NCOA1: variants seen among roughly 807,000 people sequenced by gnomAD.
NCOA1 encodes the protein Hin-2 protein.
In NCOA1, 35 loss-of-function variants were observed where a neutral mutation model predicts 150.9. The ratio of observed to expected loss-of-function variants is 0.23; its 90% CI spans 0.18 to 0.31. NCOA1 has a LOEUF of 0.31. Ranked by LOEUF, NCOA1 falls within the 10% of genes least tolerant of loss-of-function variation. The probability of loss-of-function intolerance (pLI) is 1.00; values close to 1 mark genes in which losing one functional copy is unlikely to be tolerated. For missense variants in NCOA1, 1,491 were observed against 1,749.3 expected, an observed-to-expected ratio of 0.85 and a Z score of 2.63; for synonymous variants, 590 against 630.0, an observed-to-expected ratio of 0.94 and a Z score of 0.95.
At position 24,603,842 on chromosome 2, in the gene NCOA1, A is replaced by AT. The variant is rs562505993; in HGVS notation, c.-175+19283dup. 3.3e-5 allele frequency among the ~76,000 whole-genome samples: 5 copies of AT among 152,228 alleles called. No individual in the cohort carries two copies. In the South Asian group the frequency reaches 1.0e-3, roughly 31 times the overall value. On this transcript the variant is annotated intron_variant, in intron 3 of 22. Coordinates refer to ENST00000348332, the MANE Select transcript of NCOA1 (RefSeq NM_003743.5). ...CTCCCATGAATCACGAATGTTCTTA[A>AT]TGGCATCCAGTATGATGAAGCCTTT...
intron 3 of NCOA1, among the ~76,000 whole-genome samples, chr2:24,643,063 A>C (rs1451862045): frequency 1.3e-5 from 2 of 152,230 alleles, no homozygotes; most frequent in Non-Finnish European, 2.9e-5. Context: ...GTATCTGTAC[A>C]TGTGCTAAAA....
chr2:24,495,488 GTA>G (rs912222998), intron 1 of NCOA1, among the ~76,000 whole-genome samples: 53 of 152,290 alleles, frequency 3.5e-4, no homozygotes, highest in African/African-American at 1.2e-3. Flanking sequence ...CTCCCCGAGA[GTA>G]TGTTTTAGTG....
Position 24,599,644 on chromosome 2 carries a change from G to GT in NCOA1, c.-175+15091dup, listed in dbSNP as rs907000216. ...TAGCTATGACTTAAATATACTACAT[G>GT]TTTTTTTCCCTAAACTATTAATTTG... is the stretch of plus-strand genomic sequence containing the variant. On this transcript the variant is annotated intron_variant, in intron 3 of 22. Transcript: ENST00000348332. Among the ~76,000 whole-genome samples the GT allele has an allele frequency of 5.3e-5, 8 of 151,010 alleles. No homozygotes were observed. The South Asian group carries it at 6.3e-4, about 12-fold the overall frequency.
Position 24,707,631 on chromosome 2 carries a change from G to C in NCOA1, c.2161G>C (p.Val721Leu), listed in dbSNP as rs778964158. The C allele has an allele frequency of 1.9e-6, 3 of 1,614,234 alleles. No homozygotes were observed. The South Asian group carries it at 3.3e-5, about 18-fold the overall frequency. ...GGACAGTGCATCTACTTCTGTGTCA[G>C]TGACTGGACAGGTACAAGGAAACTC... ...KKDSASTSVS[V>L]TGQVQGNSSI... Residue 721 changes from valine to leucine, a missense_variant, in exon 13 of 23, where the codon GTG becomes CTG. Physicochemically the swap from Val to Leu is conservative, Grantham distance 32. Transcript: ENST00000348332.
At chr2:24,625,099 T>C (rs1427596101) in intron 3 of NCOA1, among the ~76,000 whole-genome samples, 2 of 152,132 alleles carry the variant, frequency 1.3e-5, no homozygotes, top group East Asian at 1.9e-4. Context: ...AACAAATGAG[T>C]GTGACTATTC....
At chr2:24,501,317 C>T (rs1031613172) in intron 1 of NCOA1, among the ~76,000 whole-genome samples, 6 of 152,006 alleles carry the variant, frequency 3.9e-5, no homozygotes, top group East Asian at 1.9e-4. Flanking sequence ...AAAAATGAAC[C>T]GAATATAGAA....
At chr2:24,768,034 T>C (rs774297596) in intron 22 of NCOA1, 187 bp from the exon 23 acceptor site, 62 of 1,603,502 alleles carry the variant, frequency 3.9e-5, no homozygotes, top group South Asian at 3.9e-4. Context: ...GTGTGAACTT[T>C]CCAGAACCCT....
At chr2:24,722,151 G>A (rs1674385761) in intron 14 of NCOA1, among the ~76,000 whole-genome samples, 1 of 152,154 alleles carries the variant, frequency 6.6e-6, no homozygotes, top group Non-Finnish European at 1.5e-5. Context: ...AGTAGTATTT[G>A]TAGAATAAAC....
rs181369882 is a variant in NCOA1, at chr2:24,577,184, T to C, written c.-259-7292T>C. Among the ~76,000 whole-genome samples, 89 of 152,262 alleles carry C rather than the reference T, an allele frequency of 5.8e-4. 1 individual carries two copies. Among genetic ancestry groups the C allele is most frequent in the African/African-American group, 2.0e-3 (84 of 41,550 alleles). ...TGACCTTCATGCATTATATCTTTAG[T>C]TTTGTTATCTGTTTTTCTAATCTTG... is the stretch of plus-strand genomic sequence containing the variant. On this transcript the variant is annotated intron_variant, in intron 2 of 22. Coordinates refer to ENST00000348332, the MANE Select transcript of NCOA1 (RefSeq NM_003743.5).
chr2:24,540,357 G>A (rs749512187), intron 1 of NCOA1, among the ~76,000 whole-genome samples: 1 of 152,156 alleles, frequency 6.6e-6, no homozygotes, highest in African/African-American at 2.4e-5. Context: ...GAGTCAATTA[G>A]AGATCTGGGG....
At chr2:24,512,485 G>C (rs1335785169) in intron 1 of NCOA1, among the ~76,000 whole-genome samples, 1 of 152,130 alleles carries the variant, frequency 6.6e-6, no homozygotes, top group African/African-American at 2.4e-5. Flanking sequence ...GTTTTTAAAA[G>C]CTCTAATGGC....
intron 1 of NCOA1, among the ~76,000 whole-genome samples, chr2:24,502,147 A>G (rs1206907477): frequency 6.6e-6 from 1 of 152,144 alleles, no homozygotes; most frequent in East Asian, 1.9e-4. Flanking sequence ...GACCTATTGT[A>G]TGGGTGTAGA....
intron 1 of NCOA1, among the ~76,000 whole-genome samples, chr2:24,559,772 A>G (rs1322152335): frequency 3.9e-5 from 1 of 25,578 alleles, no homozygotes; most frequent in Non-Finnish European, 7.9e-5. Context: ...TCTGTACTCC[A>G]CCACCTGGCA....
At chr2:24,537,712 G>A (rs868142846) in intron 1 of NCOA1, among the ~76,000 whole-genome samples, 3 of 152,052 alleles carry the variant, frequency 2.0e-5, no homozygotes, top group African/African-American at 7.2e-5. Flanking sequence ...AGGGGTTTTT[G>A]TTAAATAAGT....
chr2:24,546,957 A>T (rs1407749828), intron 1 of NCOA1, among the ~76,000 whole-genome samples: 1 of 152,234 alleles, frequency 6.6e-6, no homozygotes, highest in Non-Finnish European at 1.5e-5. Flanking sequence ...GCAGTTTCAG[A>T]ATGTCACTTT....
At chr2:24,574,065 C>G (rs2148287892) in intron 2 of NCOA1, among the ~76,000 whole-genome samples, 1 of 151,974 alleles carries the variant, frequency 6.6e-6, no homozygotes, top group East Asian at 1.9e-4. Context: ...AATGAAAAAT[C>G]TAAAAGCTAC....
chr2:24,705,023 G>C, intron 11 of NCOA1, 63 bp from the exon 12 acceptor site: 1 of 1,536,594 alleles, frequency 6.5e-7, no homozygotes, highest in South Asian at 1.2e-5. Flanking sequence ...ATAAAACCTG[G>C]TGACTTAAAG....
intron 2 of NCOA1, among the ~76,000 whole-genome samples, chr2:24,574,439 TG>T (rs1288357728): frequency 6.6e-6 from 1 of 152,154 alleles, no homozygotes; most frequent in African/African-American, 2.4e-5. Context: ...ACTTTTTTAA[TG>T]GTTCAGTGCA....
chr2:24,617,064 A>G (rs1232145820), intron 3 of NCOA1, among the ~76,000 whole-genome samples: 4 of 152,146 alleles, frequency 2.6e-5, no homozygotes, highest in Non-Finnish European at 5.9e-5. Flanking sequence ...ACTTTATAAT[A>G]CTGTCCTACA....
Sources: gnomAD v4.1 joint callset for allele counts (sites outside exome capture counted in the v4.1 genomes callset) on GRCh38, gnomAD v4.1.1 for gene constraint, MANE v1.5 for transcripts, NCBI Gene and HGNC (gene_info 2026-07-23, HGNC 2026-07-21) for gene names.